The following CFAP61 variants were observed in gnomAD, a reference collection of about 807,000 sequenced individuals.
CFAP61 encodes the protein cilia- and flagella-associated protein 61.
CFAP61 carries 107 observed loss-of-function variants against 135.6 expected under a neutral mutation model. The observed-to-expected ratio is 0.79, with a 90% CI of 0.67 to 0.93. The LOEUF (loss-of-function observed/expected upper bound fraction) is 0.93, where lower values mean the gene tolerates loss of function less well. Ranked by LOEUF, CFAP61 falls within the 40% of genes least tolerant of loss-of-function variation. The pLI is 0.00. For missense variants in CFAP61, 1,507 were observed against 1,556.2 expected (o/e 0.97, Z 0.53); for synonymous variants, 575 against 578.5 (o/e 0.99, Z 0.09).
intron 8 of CFAP61, among the ~76,000 whole-genome samples, chr20:20,140,245 A>G (rs2051269524): frequency 6.7e-6 from 1 of 149,656 alleles, no homozygotes; most frequent in Non-Finnish European, 1.5e-5. Context: ...CACAATGTGC[A>G]GGTTTGTTAC....
At chr20:20,064,282 C>T (rs532805997) in intron 2 of CFAP61, among the ~76,000 whole-genome samples, 40 of 152,134 alleles carry the variant, frequency 2.6e-4, no homozygotes, top group Non-Finnish European at 5.3e-4. Context: ...CACAATTTCA[C>T]GGATTAAAGA....
intron 22 of CFAP61, among the ~76,000 whole-genome samples, chr20:20,279,058 T>C (rs901472117): frequency 4.6e-5 from 7 of 152,194 alleles, no homozygotes; most frequent in South Asian, 2.1e-4. Flanking sequence ...CCTGGAAGAT[T>C]GCCACGTTTA....
rs187586353 is a variant in CFAP61 at position 20,296,856 on chromosome 20, T to G, written c.3217-1325T>G. 2.1e-3 allele frequency among the ~76,000 whole-genome samples: 314 copies of G among 152,336 alleles called. 2 individuals carry two copies. Among genetic ancestry groups the G allele is most frequent in the African/African-American group, 7.4e-3 (307 of 41,574 alleles). On this transcript the variant is annotated intron_variant, in intron 24 of 26. Coordinates refer to ENST00000245957, the MANE Select transcript of CFAP61 (RefSeq NM_015585.4). ...TTAACACTAATTTTTTTGAATACAT[T>G]GTCCCCCATTGTCGGTGGGCCATTG...
chr20:20,058,442 A>C (rs1458907272), intron 2 of CFAP61, among the ~76,000 whole-genome samples: 1 of 152,196 alleles, frequency 6.6e-6, no homozygotes, highest in Non-Finnish European at 1.5e-5. Context: ...TTTTTGCCAC[A>C]TTCTATTAAT....
At chr20:20,133,700 T>A (rs1273379774) in intron 8 of CFAP61, among the ~76,000 whole-genome samples, 4 of 152,220 alleles carry the variant, frequency 2.6e-5, no homozygotes, top group Non-Finnish European at 5.9e-5. Context: ...AAGATTGGTC[T>A]CCTGATTTGT....
At chr20:20,064,726 T>TG (rs1253426847) in intron 2 of CFAP61, among the ~76,000 whole-genome samples, 1 of 152,036 alleles carries the variant, frequency 6.6e-6, no homozygotes. Context: ...CACGGAGAAG[T>TG]GGGGGGACTA....
intron 17 of CFAP61, chr20:20,201,090 C>A: frequency 2.3e-6 from 1 of 439,730 alleles, no homozygotes; most frequent in Non-Finnish European, 3.0e-6. Flanking sequence ...TAGTCATGGA[C>A]TGATAGTTTT....
intron 6 of CFAP61, among the ~76,000 whole-genome samples, chr20:20,081,778 A>G (rs112228280): frequency 0.046 from 7,077 of 152,248 alleles, 539 homozygotes; most frequent in African/African-American, 0.16. Flanking sequence ...TCTTGCACAT[A>G]CAGCCCCTGA....
chr20:20,296,817 T>A (rs2147080812), intron 24 of CFAP61, among the ~76,000 whole-genome samples: 1 of 152,314 alleles, frequency 6.6e-6, no homozygotes, highest in South Asian at 2.1e-4. Context: ...TATCTCCCTG[T>A]TATGAAATAT....
chr20:20,251,772 G>A lies in CFAP61; in HGVS notation c.2328+9G>A, dbSNP rs374310758. 25 of 1,612,008 alleles carry A rather than the reference G, an allele frequency of 1.6e-5. No individual in the cohort carries two copies. Among genetic ancestry groups the A allele is most frequent in the Admixed American group, 3.3e-5 (2 of 60,000 alleles). ...CCGGGCAGCAGTACCAGGTAAGGCC[G>A]GGCACAGGGGGCGCAAGCCACGTGT... On this transcript the variant is annotated intron_variant, in intron 20 of 26. Coordinates refer to ENST00000245957, the MANE Select transcript of CFAP61 (RefSeq NM_015585.4).
Position 20,052,647 on chromosome 20 carries a change from A to G in CFAP61, c.-37+56A>G, listed in dbSNP as rs958218587. ...GCAAGGACTGCGGTGCAGGGCGTCC[A>G]GGGCGCATCCCCAGGTCAGCCTCCG... is the stretch of plus-strand genomic sequence containing the variant. On this transcript the variant is annotated intron_variant, in intron 1 of 26. Transcript: ENST00000245957. 1.5e-5 allele frequency: 24 copies of G among 1,613,394 alleles called. No individual in the cohort carries two copies. The Admixed American group carries it at 3.0e-4, about 20-fold the overall frequency.
chr20:20,166,327 T>C (rs916355089), intron 11 of CFAP61, 70 bp from the exon 12 acceptor site: 2 of 1,312,468 alleles, frequency 1.5e-6, no homozygotes, highest in African/African-American at 1.4e-5. Flanking sequence ...GAGCTGTAAA[T>C]CTCTGTAAAC....
intron 26 of CFAP61, 109 bp downstream of exon 26, chr20:20,342,030 T>C: frequency 1.4e-6 from 1 of 693,496 alleles, no homozygotes; most frequent in Non-Finnish European, 2.4e-6. Context: ...GTTTTACTTT[T>C]TAAAACAACA....
chr20:20,085,499 G>A (rs1256759066), intron 6 of CFAP61: 1 of 1,366,434 alleles, frequency 7.3e-7, no homozygotes, highest in African/African-American at 1.5e-5. Context: ...CCAAGATTTG[G>A]ATGTTTTTCT....
At chr20:20,087,262 A>G (rs1482078898) in intron 6 of CFAP61, among the ~76,000 whole-genome samples, 2 of 152,176 alleles carry the variant, frequency 1.3e-5, no homozygotes, top group Non-Finnish European at 2.9e-5. Flanking sequence ...AGTACTCAAC[A>G]GTTTTTCAAC....
At chr20:20,190,789 C>G (rs559276501) in intron 14 of CFAP61, among the ~76,000 whole-genome samples, 1 of 152,172 alleles carries the variant, frequency 6.6e-6, no homozygotes, top group South Asian at 2.1e-4. Context: ...TAAGGAATAT[C>G]CTTGATGAAG....
At chr20:20,164,022 A>G in intron 10 of CFAP61, 28 bp from the exon 11 acceptor site, 1 of 1,568,634 alleles carries the variant, frequency 6.4e-7, no homozygotes, top group Non-Finnish European at 8.7e-7. Flanking sequence ...CAGGATTCTC[A>G]TTGGCTCCTC....
At chr20:20,276,060 T>A (rs1193795604) in intron 21 of CFAP61, among the ~76,000 whole-genome samples, 1 of 152,238 alleles carries the variant, frequency 6.6e-6, no homozygotes, top group Non-Finnish European at 1.5e-5. Flanking sequence ...GGGAGAATTT[T>A]CTAGATGCTG....
chr20:20,284,250 CTTTAT>C (rs749504536), intron 22 of CFAP61, among the ~76,000 whole-genome samples: 4,915 of 144,898 alleles, frequency 0.034, 142 homozygotes, highest in African/African-American at 0.07. Flanking sequence ...TCAATTGGCT[CTTTAT>C]TTTATTTTAT....
Sources: allele counts gnomAD v4.1 joint callset (sites outside exome capture counted in the v4.1 genomes callset), GRCh38; gene constraint gnomAD v4.1.1; transcripts MANE v1.5; gene names NCBI Gene and HGNC (gene_info 2026-07-23, HGNC 2026-07-21).